The following NPHP4 variants were observed in gnomAD, a reference collection of about 807,000 sequenced individuals.
NPHP4 encodes the protein nephrocystin 4, also known as nephrocystin-4.
Under a neutral mutation model 155.8 loss-of-function variants are expected in NPHP4, and 151 were observed. The ratio of observed to expected loss-of-function variants is 0.97; its 90% CI spans 0.85 to 1.11. The LOEUF (loss-of-function observed/expected upper bound fraction) is 1.11, where lower values mean the gene tolerates loss of function less well. NPHP4 is among the 50% of genes least tolerant of loss of function. The pLI, the probability that NPHP4 is intolerant of heterozygous loss-of-function variation, is 0.00. For missense variants in NPHP4, 1,956 were observed against 1,925.7 expected (o/e 1.02, Z -0.29); for synonymous variants, 845 against 816.8 (o/e 1.03, Z -0.59).
intron 23 of NPHP4, 101 bp downstream of exon 23, chr1:5,873,151 C>T: frequency 9.4e-7 from 1 of 1,066,876 alleles, no homozygotes; most frequent in Non-Finnish European, 1.4e-6. Context: ...CTGACCTGGC[C>T]CCAGCCCTCC....
At chr1:5,929,434 G>A (rs1443143842) in intron 10 of NPHP4, among the ~76,000 whole-genome samples, 1 of 152,090 alleles carries the variant, frequency 6.6e-6, no homozygotes, top group East Asian at 1.9e-4. Flanking sequence ...TAACTAAAGA[G>A]TTTTTGTAAA....
At chr1:5,949,622 G>T (rs1647548240) in intron 7 of NPHP4, among the ~76,000 whole-genome samples, 1 of 152,002 alleles carries the variant, frequency 6.6e-6, no homozygotes, top group Admixed American at 6.6e-5. Context: ...GGTGGCAAGG[G>T]CGGGGAACAG....
chr1:5,935,436 T>C (rs1320699950), intron 9 of NPHP4, among the ~76,000 whole-genome samples: 1 of 152,320 alleles, frequency 6.6e-6, no homozygotes, highest in Middle Eastern at 3.4e-3. Flanking sequence ...AGCATATGAC[T>C]CTAAGCCACA....
At chr1:5,912,075 C>A (rs989037494) in intron 11 of NPHP4, among the ~76,000 whole-genome samples, 1 of 152,216 alleles carries the variant, frequency 6.6e-6, no homozygotes, top group African/African-American at 2.4e-5. Flanking sequence ...ACAAGGCTGT[C>A]TGGGGCAGCG....
chr1:5,905,690 G>GT lies in NPHP4; in HGVS notation c.1704dup (p.Gln569ThrfsTer46). Reference sequence around the variant, plus strand: ...TGCAAAGGCGTGAACGGCAGCTCCTGTAACTGTTCGGCAATGGATGTTTCC... The same window carrying GT: ...TGCAAAGGCGTGAACGGCAGCTCCTGTTAACTGTTCGGCAATGGATGTTTCC... On this transcript the variant is annotated frameshift_variant, in exon 14 of 30. Transcript: ENST00000378156. LOFTEE classifies it high-confidence loss of function. The surrounding 1 kb of genome is among the most constrained non-coding windows in gnomAD (Gnocchi z 4.0). 1.2e-6 allele frequency: 2 copies of GT among 1,613,934 alleles called. No homozygotes were observed. The highest frequency in any genetic ancestry group is 1.7e-6 in the Non-Finnish European group (2 of 1,179,846).
At chr1:5,949,343 T>TACATACATACACACACACACAC (rs1553187009) in intron 7 of NPHP4, among the ~76,000 whole-genome samples, 1 of 140,788 alleles carries the variant, frequency 7.1e-6, no homozygotes, top group Admixed American at 7.1e-5. Flanking sequence ...TTCACATACA[T>TACATACATACACACACACACAC]ACACACACAC....
At chr1:5,985,689 C>T (rs139407804) in intron 2 of NPHP4, among the ~76,000 whole-genome samples, 278 of 152,350 alleles carry the variant, frequency 1.8e-3, no homozygotes, top group Middle Eastern at 0.01. Flanking sequence ...TGCTGATGGG[C>T]CACTTTGCAT....
At chr1:5,927,162 G>C (rs2101662058) in intron 11 of NPHP4, among the ~76,000 whole-genome samples, 1 of 152,336 alleles carries the variant, frequency 6.6e-6, no homozygotes, top group Admixed American at 6.5e-5. Flanking sequence ...CACAGGGCCA[G>C]GACTCTACCT....
At chr1:5,873,762 AC>A in intron 22 of NPHP4, 1 of 274,388 alleles carries the variant, frequency 3.6e-6, no homozygotes, top group Non-Finnish European at 7.0e-6. Context: ...GGCATGACAC[AC>A]CCCCTGCAGG....
chr1:5,945,875 C>CT (rs1647061968), intron 9 of NPHP4, among the ~76,000 whole-genome samples: 1 of 151,942 alleles, frequency 6.6e-6, no homozygotes, highest in African/African-American at 2.4e-5. Flanking sequence ...GCGTGCCACT[C>CT]TGAGCAGTGT....
At chr1:5,960,541 A>G (rs1260453125) in intron 6 of NPHP4, among the ~76,000 whole-genome samples, 1 of 151,922 alleles carries the variant, frequency 6.6e-6, no homozygotes, top group Non-Finnish European at 1.5e-5. Context: ...CCCCTCACAC[A>G]CAAGGTCAAA....
rs555246780 is a variant in NPHP4 at position 5,887,628 on chromosome 1, C to T, written c.2305-162G>A. ...TGCACCACGCTGGGGGGTGAGGGGG[C>T]GGCGAGCCAGGCGCCAACGTCTTAA... On this transcript the variant is annotated intron_variant, in intron 17 of 29. Transcript: ENST00000378156. Among the ~76,000 whole-genome samples the T allele has an allele frequency of 3.0e-4, 45 of 152,274 alleles. No homozygotes were observed. In the East Asian group the frequency reaches 6.2e-3, roughly 21 times the overall value.
Position 5,878,221 on chromosome 1 carries a change from G to A in NPHP4, c.2612-923C>T, listed in dbSNP as rs1642824677. 2.0e-5 allele frequency among the ~76,000 whole-genome samples: 3 copies of A among 152,202 alleles called. 1 individual carries two copies. Among genetic ancestry groups the A allele is most frequent in the Admixed American group, 2.0e-4 (3 of 15,274 alleles). On this transcript the variant is annotated intron_variant, in intron 19 of 29. Transcript: ENST00000378156. Reference sequence around the variant, plus strand: ...CTTGTATGGGGCATGGGCACCCCCTGCAGAAGCCTCCACACAGTGGACAGC... The same window carrying A: ...CTTGTATGGGGCATGGGCACCCCCTACAGAAGCCTCCACACAGTGGACAGC...
chr1:5,948,842 C>T (rs776868551), intron 7 of NPHP4, among the ~76,000 whole-genome samples: 1 of 152,124 alleles, frequency 6.6e-6, no homozygotes, highest in Non-Finnish European at 1.5e-5. Flanking sequence ...AGTGGTCACT[C>T]GATATTAAAG....
chr1:5,990,524 G>C (rs1270749673), intron 1 of NPHP4, among the ~76,000 whole-genome samples: 2 of 151,948 alleles, frequency 1.3e-5, no homozygotes, highest in Admixed American at 6.5e-5. Flanking sequence ...CACATTCTAT[G>C]GTTACTATTC....
chr1:5,912,241 T>G (rs1377463808), intron 11 of NPHP4, among the ~76,000 whole-genome samples: 1 of 151,924 alleles, frequency 6.6e-6, no homozygotes, highest in African/African-American at 2.4e-5. Context: ...CCGCGGCAAG[T>G]TAAAAAGTGA....
intron 10 of NPHP4, among the ~76,000 whole-genome samples, chr1:5,930,600 G>T (rs1646225376): frequency 6.6e-6 from 1 of 151,818 alleles, no homozygotes; most frequent in Admixed American, 6.6e-5. Flanking sequence ...CTTTGTTATT[G>T]ATTTCTAGTT....
At chr1:5,945,024 C>T (rs2101899872) in intron 9 of NPHP4, among the ~76,000 whole-genome samples, 1 of 152,278 alleles carries the variant, frequency 6.6e-6, no homozygotes, top group Middle Eastern at 3.4e-3. Flanking sequence ...CCCCAGACGC[C>T]CATGAAGCGG....
intron 23 of NPHP4, among the ~76,000 whole-genome samples, chr1:5,868,710 CA>C (rs1398833357): frequency 9.3e-5 from 8 of 85,692 alleles, no homozygotes; most frequent in Non-Finnish European, 1.3e-4. Flanking sequence ...ACGCATGCCC[CA>C]CACACACACA....
Sources: allele counts gnomAD v4.1 joint callset (sites outside exome capture counted in the v4.1 genomes callset), GRCh38; gene constraint gnomAD v4.1.1; non-coding constraint Gnocchi (gnomAD v3.1); transcripts MANE v1.5; gene names NCBI Gene and HGNC (gene_info 2026-07-23, HGNC 2026-07-21).